The following CDH9 variants were observed in gnomAD, a reference collection of about 807,000 sequenced individuals.
The protein encoded by CDH9 is cadherin-9.
In CDH9, 28 loss-of-function variants were observed where a neutral mutation model predicts 70.9. The ratio of observed to expected loss-of-function variants is 0.40; its 90% confidence interval spans 0.29 to 0.54. The LOEUF is 0.54. Among genes scored for constraint, CDH9 ranks in the 20% least tolerant of loss-of-function variants. The pLI is 0.59. For synonymous variants in CDH9, 409 were observed against 343.1 expected, an observed-to-expected ratio of 1.19 and a Z score of -2.12; for missense variants, 874 against 984.4, an observed-to-expected ratio of 0.89 and a Z score of 1.50.
intron 7 of CDH9, among the ~76,000 whole-genome samples, chr5:26,900,825 A>G (rs1438447965): frequency 1.3e-5 from 2 of 152,114 alleles, no homozygotes; most frequent in Non-Finnish European, 1.5e-5. Flanking sequence ...GACAAATACT[A>G]TAAAAAAACA....
chr5:26,964,296 G>A (rs2112065243), intron 2 of CDH9, among the ~76,000 whole-genome samples: 1 of 152,140 alleles, frequency 6.6e-6, no homozygotes, highest in African/African-American at 2.4e-5. Context: ...AGGTTTCTAA[G>A]ACCACCAAAA....
intron 7 of CDH9, among the ~76,000 whole-genome samples, chr5:26,901,599 A>G (rs915254467): frequency 6.6e-6 from 1 of 151,930 alleles, no homozygotes; most frequent in Non-Finnish European, 1.5e-5. Context: ...AATGTTAAGC[A>G]AAGTAGAATT....
At chr5:26,967,455 A>T (rs2112069040) in intron 2 of CDH9, among the ~76,000 whole-genome samples, 1 of 152,312 alleles carries the variant, frequency 6.6e-6, no homozygotes, top group East Asian at 1.9e-4. Flanking sequence ...TCCAAATTTA[A>T]AGTAATTTTA....
rs3811927 is a variant in CDH9 at position 27,015,652 on chromosome 5, T to C, written c.-50+22811A>G. 3.3e-4 allele frequency among the ~76,000 whole-genome samples: 50 copies of C among 151,772 alleles called. No homozygotes were observed. The East Asian group carries it at 9.7e-3, about 29-fold the overall frequency. On this transcript the variant is annotated intron_variant, in intron 1 of 11. Coordinates refer to ENST00000231021, the MANE Select transcript of CDH9 (RefSeq NM_016279.4). The stretch of plus-strand genomic sequence containing the variant: ...TAAATTATAAAATATATGATATGCT[T>C]TCTTAAATATTAATAATGATTCCCA...
chr5:26,896,306 G>C (rs1740749212), intron 7 of CDH9, among the ~76,000 whole-genome samples: 1 of 151,772 alleles, frequency 6.6e-6, no homozygotes, highest in African/African-American at 2.4e-5. Flanking sequence ...GAAATTATCA[G>C]ATACAGGAGA....
intron 7 of CDH9, among the ~76,000 whole-genome samples, chr5:26,901,166 G>T (rs1381563548): frequency 6.6e-6 from 1 of 151,832 alleles, no homozygotes; most frequent in East Asian, 1.9e-4. Flanking sequence ...TAAAAATCCT[G>T]CCAGAGGTAA....
intron 1 of CDH9, among the ~76,000 whole-genome samples, chr5:27,021,330 A>G (rs1191604971): frequency 6.6e-6 from 1 of 151,858 alleles, no homozygotes; most frequent in East Asian, 1.9e-4. Flanking sequence ...CTTATGATCT[A>G]CAATTGTATA....
intron 1 of CDH9, among the ~76,000 whole-genome samples, chr5:27,013,537 C>T (rs1323644844): frequency 6.6e-6 from 1 of 151,840 alleles, no homozygotes; most frequent in Admixed American, 6.6e-5. Flanking sequence ...GAATGTGATA[C>T]GTTATTTCTG....
intron 2 of CDH9, among the ~76,000 whole-genome samples, chr5:26,943,508 A>T (rs1741697516): frequency 1.4e-5 from 1 of 69,502 alleles, no homozygotes; most frequent in Admixed American, 2.1e-4. Context: ...GTGAGACTCC[A>T]TCTCAAAAAA....
chr5:27,008,209 G>A (rs1360950439), intron 1 of CDH9, among the ~76,000 whole-genome samples: 1 of 152,034 alleles, frequency 6.6e-6, no homozygotes, highest in Non-Finnish European at 1.5e-5. Context: ...AAAACTATGT[G>A]TATAAACCGG....
intron 2 of CDH9, among the ~76,000 whole-genome samples, chr5:26,987,167 T>G (rs1742503194): frequency 7.0e-6 from 1 of 142,828 alleles, no homozygotes; most frequent in African/African-American, 2.6e-5. Flanking sequence ...AGTCAAACAA[T>G]ATGCAAACCA....
intron 1 of CDH9, among the ~76,000 whole-genome samples, chr5:26,995,389 C>T (rs571238267): frequency 6.6e-6 from 1 of 152,126 alleles, no homozygotes; most frequent in Non-Finnish European, 1.5e-5. Flanking sequence ...GGGATAAAAT[C>T]TGCAGTGATG....
chr5:26,916,689 T>G (rs931465084), intron 2 of CDH9, among the ~76,000 whole-genome samples: 5 of 151,926 alleles, frequency 3.3e-5, no homozygotes, highest in African/African-American at 1.2e-4. Flanking sequence ...AGTGAAACCA[T>G]GATTAAGGGG....
rs112684140 is a variant in CDH9 at position 26,986,690 on chromosome 5, A to G, written c.228+1416T>C. On this transcript the variant is annotated intron_variant, in intron 2 of 11. Coordinates refer to ENST00000231021, the MANE Select transcript of CDH9 (RefSeq NM_016279.4). ...CCTGTGACCTCAATGTGTCCTTTATACACTTCCTTGGAGAATCGTAAGGCA... is the reference window on the plus strand; with the variant it reads ...CCTGTGACCTCAATGTGTCCTTTATGCACTTCCTTGGAGAATCGTAAGGCA... Among the ~76,000 whole-genome samples, 638 of 152,226 alleles carry G rather than the reference A, an allele frequency of 4.2e-3. 4 individuals are homozygous for G. The highest frequency in any genetic ancestry group is 0.015 in the African/African-American group (611 of 41,564).
At position 26,890,854 on chromosome 5, in the gene CDH9, T is replaced by A. The variant is rs527827354; in HGVS notation, c.1254-290A>T. 1.1e-4 allele frequency: 33 copies of A among 300,064 alleles called. 3 individuals carry two copies. The South Asian group carries it at 1.7e-3, about 16-fold the overall frequency. 18.6% of individuals were successfully genotyped at this position (300,064 alleles called of 1,614,324 possible). On this transcript the variant is annotated intron_variant, in intron 7 of 11. Coordinates refer to ENST00000231021, the MANE Select transcript of CDH9 (RefSeq NM_016279.4). The stretch of plus-strand genomic sequence containing the variant: ...TCTTAAGTATCACTTGGTTCACTTA[T>A]CCTATCGTAGGCCTACTGCAGTGCT...
intron 2 of CDH9, among the ~76,000 whole-genome samples, chr5:26,939,246 T>C (rs1164829724): frequency 6.6e-6 from 1 of 151,646 alleles, no homozygotes; most frequent in Non-Finnish European, 1.5e-5. Flanking sequence ...ATGCAAAAAA[T>C]ATGAACAGGT....
intron 1 of CDH9, among the ~76,000 whole-genome samples, chr5:27,016,332 T>G (rs151197559): frequency 1.6e-4 from 25 of 151,928 alleles, no homozygotes; most frequent in African/African-American, 5.8e-4. Flanking sequence ...AGATCATTGT[T>G]TGATGAAAAA....
intron 2 of CDH9, among the ~76,000 whole-genome samples, chr5:26,943,528 A>T (rs1399946804): frequency 1.4e-5 from 2 of 141,268 alleles, no homozygotes; most frequent in African/African-American, 2.5e-5. Context: ...AAAAAAAAAA[A>T]GCTAACTCAG....
intron 2 of CDH9, among the ~76,000 whole-genome samples, chr5:26,952,662 A>C (rs1741872250): frequency 6.8e-6 from 1 of 146,576 alleles, no homozygotes; most frequent in South Asian, 2.1e-4. Context: ...AAAAGAAAGA[A>C]AAAAAGAGGT....
Sources: allele counts gnomAD v4.1 joint callset (sites outside exome capture counted in the v4.1 genomes callset), GRCh38; gene constraint gnomAD v4.1.1; transcripts MANE v1.5; gene names NCBI Gene and HGNC (gene_info 2026-07-23, HGNC 2026-07-21).